The following PRDM16 variants were observed in gnomAD, a reference collection of about 807,000 sequenced individuals.
PRDM16 encodes PR/SET domain 16.
A neutral mutation model predicts 110.6 loss-of-function variants in PRDM16; 23 were observed. That is an observed-to-expected ratio of 0.21 (90% CI 0.15 to 0.29). PRDM16 has a LOEUF of 0.29. PRDM16 is among the 10% of genes least tolerant of loss of function. PRDM16 has a pLI of 1.00. For missense variants in PRDM16, 1,615 were observed against 1,794.3 expected (o/e 0.90, Z 1.81); for synonymous variants, 799 against 781.8 (o/e 1.02, Z -0.37).
At chr1:3,295,501 G>T (rs1379539403) in intron 3 of PRDM16, among the ~76,000 whole-genome samples, 2 of 152,160 alleles carry the variant, frequency 1.3e-5, no homozygotes, top group Non-Finnish European at 2.9e-5. Context: ...GCTGGGAAGA[G>T]AGTGTCCTTC....
At chr1:3,136,676 C>T (rs556039272) in intron 1 of PRDM16, among the ~76,000 whole-genome samples, 218 of 152,260 alleles carry the variant, frequency 1.4e-3, no homozygotes, top group Non-Finnish European at 2.7e-3. Context: ...GAGGAGTGGG[C>T]TTATCAGGCA....
intron 1 of PRDM16, among the ~76,000 whole-genome samples, chr1:3,153,955 C>T (rs902350496): frequency 1.3e-5 from 2 of 152,214 alleles, no homozygotes; most frequent in Non-Finnish European, 2.9e-5. Flanking sequence ...GCTTCCTTTG[C>T]GAGCTCCACG....
intron 1 of PRDM16, among the ~76,000 whole-genome samples, chr1:3,168,355 T>C (rs58589277): frequency 1.1e-3 from 99 of 94,016 alleles, no homozygotes; most frequent in Middle Eastern, 6.3e-3. Flanking sequence ...GCCATCCTCC[T>C]GCCCCACCCC....
chr1:3,116,949 G>C (rs1642976228), intron 1 of PRDM16, among the ~76,000 whole-genome samples: 1 of 152,318 alleles, frequency 6.6e-6, no homozygotes, highest in East Asian at 1.9e-4. Flanking sequence ...ACTCACACCT[G>C]GGGTGGATCA....
intron 3 of PRDM16, among the ~76,000 whole-genome samples, chr1:3,367,324 G>A (rs185846559): frequency 6.6e-6 from 1 of 152,264 alleles, no homozygotes; most frequent in Non-Finnish European, 1.5e-5. Flanking sequence ...TGCGGCTCAA[G>A]AACATAACTG....
intron 1 of PRDM16, among the ~76,000 whole-genome samples, chr1:3,096,568 C>A (rs552355050): frequency 2.6e-5 from 4 of 152,118 alleles, no homozygotes; most frequent in Admixed American, 6.5e-5. Context: ...TCCTCTTTTG[C>A]CGGCTGGGGC....
Position 3,265,674 on chromosome 1 carries a change from G to T in PRDM16, c.438+21537G>T, listed in dbSNP as rs2500248. Among the ~76,000 whole-genome samples, 31,006 of 151,794 alleles carry T rather than the reference G, an allele frequency of 0.2. 4,098 individuals are homozygous for T. The highest frequency in any genetic ancestry group is 0.35 in the African/African-American group (14,381 of 41,334). On this transcript the variant is annotated intron_variant, in intron 3 of 16. Transcript: ENST00000270722. This position sits in a 1 kb window ranked among gnomAD's most constrained non-coding sequence, Gnocchi z 4.5. ...CCAAGGCCAGCCCTCTTGCCCCGGGGCTGCCTGGGTTTGTCCTGGGAAGGT... is the reference window on the plus strand; with the variant it reads ...CCAAGGCCAGCCCTCTTGCCCCGGGTCTGCCTGGGTTTGTCCTGGGAAGGT...
chr1:3,194,943 T>G (rs1454389418), intron 2 of PRDM16, among the ~76,000 whole-genome samples: 1 of 151,942 alleles, frequency 6.6e-6, no homozygotes, highest in Non-Finnish European at 1.5e-5. Context: ...GCGTGGAGAG[T>G]TCTGCGTGAG....
intron 3 of PRDM16, among the ~76,000 whole-genome samples, chr1:3,273,358 C>G (rs1001619764): frequency 5.3e-5 from 8 of 152,210 alleles, no homozygotes; most frequent in Admixed American, 2.6e-4. Flanking sequence ...ACTTCCACAT[C>G]TCTTATGATC....
intron 3 of PRDM16, among the ~76,000 whole-genome samples, chr1:3,276,699 G>A (rs904730718): frequency 4.4e-4 from 67 of 152,276 alleles, no homozygotes; most frequent in African/African-American, 1.2e-3. Flanking sequence ...AGCGAGGGGT[G>A]CCGTGAACAG....
chr1:3,144,456 C>G (rs1274836096), intron 1 of PRDM16, among the ~76,000 whole-genome samples: 1 of 152,188 alleles, frequency 6.6e-6, no homozygotes, highest in Non-Finnish European at 1.5e-5. Context: ...TCGGCCAGGT[C>G]CCAGGCAGGG....
rs983405732 is a variant in PRDM16 at position 3,143,347 on chromosome 1, G to A, written c.38-42778G>A. Among the ~76,000 whole-genome samples, 1 of 152,168 alleles carries A rather than the reference G, an allele frequency of 6.6e-6. No homozygotes were observed. Among genetic ancestry groups the A allele is most frequent in the African/African-American group, 2.4e-5 (1 of 41,432 alleles). On this transcript the variant is annotated intron_variant, in intron 1 of 16. Transcript: ENST00000270722. This position sits in a 1 kb window ranked among gnomAD's most constrained non-coding sequence, Gnocchi z 4.5. Reference sequence around the variant, plus strand: ...GACAGCAGGACCCTCAGGCAGTAGGGCTCCAAGCACCAGCCCCTCGCCCCA... The same window carrying A: ...GACAGCAGGACCCTCAGGCAGTAGGACTCCAAGCACCAGCCCCTCGCCCCA...
intron 3 of PRDM16, among the ~76,000 whole-genome samples, chr1:3,340,159 T>C (rs1642242855): frequency 6.6e-6 from 1 of 152,128 alleles, no homozygotes. Flanking sequence ...GGTGGGGGCT[T>C]CCAGGTCTGG....
intron 2 of PRDM16, among the ~76,000 whole-genome samples, chr1:3,240,522 G>T (rs892302874): frequency 5.3e-5 from 8 of 152,174 alleles, no homozygotes; most frequent in African/African-American, 1.9e-4. Flanking sequence ...GAGTGTTGGG[G>T]TCCCTCATGG....
chr1:3,074,369 C>A (rs1334962744), intron 1 of PRDM16, among the ~76,000 whole-genome samples: 1 of 152,178 alleles, frequency 6.6e-6, no homozygotes, highest in African/African-American at 2.4e-5. Context: ...TCCCCTCCCC[C>A]ACAGAGCACC....
At chr1:3,279,203 G>T (rs1167802267) in intron 3 of PRDM16, among the ~76,000 whole-genome samples, 1 of 152,230 alleles carries the variant, frequency 6.6e-6, no homozygotes, top group Non-Finnish European at 1.5e-5. Flanking sequence ...AAGACCGGCG[G>T]CCTCTCCTGC....
At chr1:3,172,877 G>A (rs561260888) in intron 1 of PRDM16, among the ~76,000 whole-genome samples, 23 of 152,344 alleles carry the variant, frequency 1.5e-4, no homozygotes, top group African/African-American at 5.5e-4. Flanking sequence ...TGAAGGCAGC[G>A]CACAGCATGA....
At chr1:3,409,834 G>GGTGTGTGTTGTGTGTATGTGCGT in intron 8 of PRDM16, among the ~76,000 whole-genome samples, 1 of 125,930 alleles carries the variant, frequency 7.9e-6, no homozygotes, top group Non-Finnish European at 1.7e-5. Context: ...GTTGTGTGTG[G>GGTGTGTGTTGTGTGTATGTGCGT]GTGTGTGGTG....
rs1352013995 is a variant in PRDM16 at position 3,265,844 on chromosome 1, T to A, written c.438+21707T>A. Among the ~76,000 whole-genome samples, 1 of 152,070 alleles carries A rather than the reference T, an allele frequency of 6.6e-6. No individual in the cohort carries two copies. Among genetic ancestry groups the A allele is most frequent in the African/African-American group, 2.4e-5 (1 of 41,392 alleles). On this transcript the variant is annotated intron_variant, in intron 3 of 16. Coordinates refer to ENST00000270722, the MANE Select transcript of PRDM16 (RefSeq NM_022114.4). The surrounding 1 kb of genome is among the most constrained non-coding windows in gnomAD (Gnocchi z 4.5). ...CCTGCCTCAGTGGGTCGTGCCCAGG[T>A]CCTTCGCTCTCTATGATCCCTTTAC...
Sources: allele counts gnomAD v4.1 joint callset (sites outside exome capture counted in the v4.1 genomes callset), GRCh38; gene constraint gnomAD v4.1.1; non-coding constraint Gnocchi (gnomAD v3.1); transcripts MANE v1.5; gene names NCBI Gene and HGNC (gene_info 2026-07-23, HGNC 2026-07-21).